ABCC12: variants seen among roughly 807,000 people sequenced by gnomAD.
ABCC12 encodes ATP binding cassette subfamily C member 12, also known as ATP-binding cassette sub-family C member 12.
A neutral mutation model predicts 151.1 loss-of-function variants in ABCC12; 142 were observed. The observed-to-expected ratio is 0.94, with a 90% CI of 0.82 to 1.08. The LOEUF (loss-of-function observed/expected upper bound fraction) is 1.08. ABCC12 is among the 50% of genes least tolerant of loss of function. ABCC12 has a pLI of 0.00. For synonymous variants in ABCC12, 645 were observed against 646.4 expected, an observed-to-expected ratio of 1.00 and a Z score of 0.03; for missense variants, 1,638 against 1,691.1, an observed-to-expected ratio of 0.97 and a Z score of 0.55.
chr16:48,142,738 A>C (rs888593772), intron 4 of ABCC12, among the ~76,000 whole-genome samples: 4 of 152,254 alleles, frequency 2.6e-5, no homozygotes, highest in Admixed American at 1.3e-4. Context: ...TCTTCATCCT[A>C]ACATGGAAAA....
intron 8 of ABCC12, among the ~76,000 whole-genome samples, chr16:48,135,781 CA>C (rs1305691281): frequency 6.6e-6 from 1 of 152,190 alleles, no homozygotes; most frequent in Non-Finnish European, 1.5e-5. Flanking sequence ...AGAATAGACA[CA>C]AAAACTCAAG....
chr16:48,084,724 CA>C (rs1210796072), intron 29 of ABCC12, among the ~76,000 whole-genome samples: 4 of 152,146 alleles, frequency 2.6e-5, no homozygotes, highest in Non-Finnish European at 5.9e-5. Context: ...TCCTTAATCG[CA>C]ACTGCAGAGT....
chr16:48,115,549 A>G lies in ABCC12; in HGVS notation c.1855T>C (p.Ser619Pro), dbSNP rs1171462929. The G allele has an allele frequency of 2.5e-6, 4 of 1,614,050 alleles. No individual in the cohort carries two copies. In the African/African-American group the frequency reaches 5.3e-5, roughly 22 times the overall value. ...QRISLARAVY[S>P]DRQLYLLDDP... ...TCCAGCAGGTAGAGCTGACGGTCGGAGTAGACAGCGCGGGCCAGGCTAATC... is the reference window on the plus strand; with the variant it reads ...TCCAGCAGGTAGAGCTGACGGTCGGGGTAGACAGCGCGGGCCAGGCTAATC... Residue 619 changes from serine (S) to proline (P), a missense_variant, in exon 15 of 31, where the codon TCC becomes CCC. Coordinates refer to ENST00000311303, the MANE Select transcript of ABCC12 (RefSeq NM_001393797.1).
intron 24 of ABCC12, among the ~76,000 whole-genome samples, chr16:48,093,786 T>C (rs993332994): frequency 2.0e-5 from 3 of 152,226 alleles, no homozygotes; most frequent in Non-Finnish European, 4.4e-5. Context: ...CTCCCAGGTT[T>C]AGGATGCCCA....
chr16:48,091,244 C>A (rs1236123446), intron 24 of ABCC12, 35 bp from the exon 25 acceptor site: 1 of 1,596,046 alleles, frequency 6.3e-7, no homozygotes, highest in Non-Finnish European at 8.6e-7. Context: ...CAGTTAGAGC[C>A]CCTTCCTCCT....
At position 48,109,222 on chromosome 16, in the gene ABCC12, T is replaced by C. The variant is rs1165424734; in HGVS notation, c.2282-693A>G. Reference sequence around the variant, plus strand: ...GTGAGCAAGAAAGAGGCAGGTCCTGTGTTCTCAGAGCTCATGCCATACAGA... The same window carrying C: ...GTGAGCAAGAAAGAGGCAGGTCCTGCGTTCTCAGAGCTCATGCCATACAGA... On this transcript the variant is annotated intron_variant, in intron 18 of 30. Coordinates refer to ENST00000311303, the MANE Select transcript of ABCC12 (RefSeq NM_001393797.1). 4.1e-4 allele frequency among the ~76,000 whole-genome samples: 63 copies of C among 152,192 alleles called. 2 individuals carry two copies. Among genetic ancestry groups the C allele is most frequent in the Admixed American group, 3.9e-3 (60 of 15,282 alleles).
chr16:48,151,877 G>C (rs1965121465), intron 2 of ABCC12, among the ~76,000 whole-genome samples: 1 of 152,212 alleles, frequency 6.6e-6, no homozygotes, highest in Non-Finnish European at 1.5e-5. Flanking sequence ...GAAGTTCTGA[G>C]AAAGTAGAGG....
chr16:48,148,513 C>A (rs928777495), intron 2 of ABCC12, among the ~76,000 whole-genome samples: 1 of 152,182 alleles, frequency 6.6e-6, no homozygotes, highest in Admixed American at 6.6e-5. Context: ...GCTGGGATTA[C>A]AGGCATGAGC....
In ABCC12 at chr16:48,146,467, C is replaced by T. The variant is rs1240777460; in HGVS notation, c.-43G>A. On this transcript the variant is annotated 5_prime_UTR_variant, in exon 3 of 31. It adds an upstream start codon to the 5' untranslated region. Transcript: ENST00000311303. ...GCCCTGGGCTTTTGGCCTGGGGACA[C>T]TTTCACTCTATGGCAGAGAAATGGC... 2 of 1,508,046 alleles carry T rather than the reference C, an allele frequency of 1.3e-6. No homozygotes were observed. The highest frequency in any genetic ancestry group is 1.7e-5 in the Admixed American group (1 of 59,772). 93.4% of individuals were successfully genotyped at this position (1,508,046 alleles called of 1,614,324 possible).
intron 20 of ABCC12, among the ~76,000 whole-genome samples, chr16:48,106,457 G>A (rs1466563225): frequency 6.6e-6 from 1 of 152,202 alleles, no homozygotes; most frequent in Non-Finnish European, 1.5e-5. Flanking sequence ...GACTCCTGGG[G>A]AAGCACCAAG....
chr16:48,110,809 T>C (rs1366248796), intron 18 of ABCC12, among the ~76,000 whole-genome samples: 1 of 152,212 alleles, frequency 6.6e-6, no homozygotes, highest in Non-Finnish European at 1.5e-5. Flanking sequence ...TTACTCTTAC[T>C]GGTTTCCCAT....
chr16:48,099,099 A>G (rs995515522), intron 23 of ABCC12, among the ~76,000 whole-genome samples: 9 of 152,204 alleles, frequency 5.9e-5, no homozygotes, highest in Non-Finnish European at 1.3e-4. Flanking sequence ...GGGGCGTGAG[A>G]GAGAGAATTA....
intron 13 of ABCC12, among the ~76,000 whole-genome samples, chr16:48,118,589 G>A (rs572553950): frequency 2.0e-5 from 3 of 152,332 alleles, no homozygotes; most frequent in East Asian, 1.9e-4. Flanking sequence ...TTCCTTCAGC[G>A]AGTAACAATG....
intron 23 of ABCC12, among the ~76,000 whole-genome samples, chr16:48,097,226 C>G (rs567198042): frequency 1.1e-4 from 16 of 152,124 alleles, no homozygotes; most frequent in Admixed American, 8.5e-4. Context: ...AGAAGAGGTG[C>G]CGAGTGCTTC....
intron 20 of ABCC12, among the ~76,000 whole-genome samples, chr16:48,106,642 C>A (rs1313438389): frequency 1.3e-5 from 2 of 152,208 alleles, no homozygotes; most frequent in East Asian, 1.9e-4. Flanking sequence ...GTGCCACCAC[C>A]CTTTGGTTGT....
intron 29 of ABCC12, 48 bp from the exon 30 acceptor site, chr16:48,084,121 T>C (rs755451106): frequency 6.5e-7 from 1 of 1,544,148 alleles, no homozygotes; most frequent in South Asian, 1.3e-5. Flanking sequence ...GAGAGGGGAA[T>C]TTACAGCCTC....
At chr16:48,155,719 A>AC (rs1965176282) in intron 1 of ABCC12, 122 bp downstream of exon 1, 1 of 151,128 alleles carries the variant, frequency 6.6e-6, no homozygotes, top group Non-Finnish European at 1.5e-5. Context: ...CCTCCCCCAA[A>AC]CCCCCCACCA....
At chr16:48,112,009 C>CA (rs913369336) in intron 15 of ABCC12, 99 bp from the exon 16 acceptor site, 1 of 1,440,160 alleles carries the variant, frequency 6.9e-7, no homozygotes, top group African/African-American at 1.4e-5. Flanking sequence ...CTTTAGGGGC[C>CA]AGATCATTCT....
chr16:48,153,065 T>C (rs8043902), intron 2 of ABCC12, among the ~76,000 whole-genome samples: 4,024 of 152,290 alleles, frequency 0.026, 171 homozygotes, highest in African/African-American at 0.092. Context: ...CTTTCATCCC[T>C]GCTCTAAAAC....
Sources: allele counts gnomAD v4.1 joint callset (sites outside exome capture counted in the v4.1 genomes callset), GRCh38; gene constraint gnomAD v4.1.1; transcripts MANE v1.5; gene names NCBI Gene and HGNC (gene_info 2026-07-23, HGNC 2026-07-21).